Variants in SFMBT2 observed in about 807,000 individuals in gnomAD.
SFMBT2 encodes the protein Scm like with four mbt domains 2, also known as scm-like with four MBT domains protein 2.
SFMBT2 carries 38 observed loss-of-function variants against 110.1 expected under a neutral mutation model. The observed-to-expected ratio is 0.35, with a 90% CI of 0.27 to 0.45. SFMBT2 has a LOEUF of 0.45. Among genes scored for constraint, SFMBT2 ranks in the 20% least tolerant of loss-of-function variants. The pLI is 1.00. For synonymous variants in SFMBT2, 425 were observed against 425.4 expected, an observed-to-expected ratio of 1.00 and a Z score of 0.01; for missense variants, 1,011 against 1,094.9, an observed-to-expected ratio of 0.92 and a Z score of 1.08.
chr10:7,373,927 C>T (rs556288249), intron 2 of SFMBT2, among the ~76,000 whole-genome samples: 6 of 152,192 alleles, frequency 3.9e-5, no homozygotes, highest in African/African-American at 7.2e-5. Context: ...TGCTGAAAAA[C>T]GGGACAAGTT....
chr10:7,370,015 C>T (rs558770131), intron 3 of SFMBT2, among the ~76,000 whole-genome samples: 1 of 152,296 alleles, frequency 6.6e-6, no homozygotes, highest in East Asian at 1.9e-4. Context: ...CGTGCACCAC[C>T]ACACCCAGCT....
intron 15 of SFMBT2, among the ~76,000 whole-genome samples, chr10:7,196,332 T>C (rs888107266): frequency 6.6e-6 from 1 of 152,208 alleles, no homozygotes; most frequent in African/African-American, 2.4e-5. Flanking sequence ...CCAGCCTAAG[T>C]TCCTAAGCTC....
At chr10:7,385,932 A>G (rs368726084) in intron 1 of SFMBT2, among the ~76,000 whole-genome samples, 6 of 152,260 alleles carry the variant, frequency 3.9e-5, no homozygotes, top group South Asian at 4.1e-4. Flanking sequence ...CCCGGGAGGC[A>G]GAGCTTGCAG....
intron 16 of SFMBT2, among the ~76,000 whole-genome samples, chr10:7,186,459 C>CACACACAT (rs748644225): frequency 9.3e-4 from 118 of 126,906 alleles, no homozygotes; most frequent in African/African-American, 3.1e-3. Context: ...CACACACACA[C>CACACACAT]ATATATATAT....
chr10:7,284,396 A>C, intron 5 of SFMBT2: 3 of 1,240,490 alleles, frequency 2.4e-6, no homozygotes, highest in Non-Finnish European at 3.0e-6. Flanking sequence ...AGAAAATAAC[A>C]GTTTGTGCTA....
At chr10:7,405,337 G>A (rs764133282) in intron 1 of SFMBT2, among the ~76,000 whole-genome samples, 5 of 152,170 alleles carry the variant, frequency 3.3e-5, no homozygotes, top group Non-Finnish European at 5.9e-5. Flanking sequence ...TTTCCTCATG[G>A]CTTGTATTCA....
At position 7,158,790 on chromosome 10, in the gene SFMBT2, G is replaced by A. The variant is rs771882257; in HGVS notation, c.*4980C>T. On this transcript the variant is annotated 3_prime_UTR_variant, in exon 21 of 21. Coordinates refer to ENST00000397167, the MANE Select transcript of SFMBT2 (RefSeq NM_001387889.1). The stretch of plus-strand genomic sequence containing the variant: ...CAATCTTACAGCAAACCAAAAGCAT[G>A]CCCTTCGTCCTGCAAATTTCAAAAG... The A allele has an allele frequency of 1.3e-5, 2 of 151,998 alleles. No individual in the cohort carries two copies. The highest frequency in any genetic ancestry group is 2.4e-5 in the African/African-American group (1 of 41,368). 9.4% of individuals were successfully genotyped at this position (151,998 alleles called of 1,614,324 possible).
chr10:7,366,990 T>C (rs1020982070), intron 4 of SFMBT2, among the ~76,000 whole-genome samples: 4 of 152,188 alleles, frequency 2.6e-5, no homozygotes, highest in Non-Finnish European at 5.9e-5. Context: ...AGCAACTAAA[T>C]TGATCATATC....
At chr10:7,282,565 T>G (rs1841976206) in intron 6 of SFMBT2, among the ~76,000 whole-genome samples, 1 of 152,196 alleles carries the variant, frequency 6.6e-6, no homozygotes, top group African/African-American at 2.4e-5. Flanking sequence ...GAGTCAAAAA[T>G]TACTCAGGAT....
chr10:7,394,417 T>C (rs1231742826), intron 1 of SFMBT2, among the ~76,000 whole-genome samples: 1 of 151,726 alleles, frequency 6.6e-6, no homozygotes, highest in Non-Finnish European at 1.5e-5. Flanking sequence ...CCGACTGTTC[T>C]GGCATTCCTC....
chr10:7,386,770 T>C (rs1047541731), intron 1 of SFMBT2, among the ~76,000 whole-genome samples: 26 of 152,198 alleles, frequency 1.7e-4, no homozygotes, highest in Admixed American at 2.6e-4. Flanking sequence ...GCATTTACGA[T>C]CATTTTATTT....
intron 1 of SFMBT2, among the ~76,000 whole-genome samples, chr10:7,401,705 T>C (rs1330184037): frequency 6.6e-6 from 1 of 152,184 alleles, no homozygotes; most frequent in African/African-American, 2.4e-5. Flanking sequence ...AGACTCCTCT[T>C]TCCCACTTCT....
At chr10:7,394,515 CCAA>C (rs977081039) in intron 1 of SFMBT2, among the ~76,000 whole-genome samples, 4 of 150,868 alleles carry the variant, frequency 2.7e-5, no homozygotes, top group African/African-American at 7.3e-5. Flanking sequence ...CCCCCACCCC[CCAA>C]CAACTCCCCG....
chr10:7,394,523 T>G (rs1588508087), intron 1 of SFMBT2, among the ~76,000 whole-genome samples: 2 of 99,852 alleles, frequency 2.0e-5, no homozygotes, highest in African/African-American at 4.0e-5. Context: ...CCCCAACAAC[T>G]CCCCGACACG....
At chr10:7,308,858 C>T (rs959151712) in intron 4 of SFMBT2, among the ~76,000 whole-genome samples, 1 of 152,176 alleles carries the variant, frequency 6.6e-6, no homozygotes, top group Non-Finnish European at 1.5e-5. Flanking sequence ...GATTCTGCAA[C>T]ACATAACTAA....
rs1294860805 is a variant in SFMBT2 at position 7,337,918 on chromosome 10, C to T, written c.436+29731G>A. Among the ~76,000 whole-genome samples, 3 of 152,208 alleles carry T rather than the reference C, an allele frequency of 2.0e-5. No homozygotes were observed. In the East Asian group the frequency reaches 5.8e-4, roughly 29 times the overall value. ...ATACTTTCTGGAGCACCAATCCTTG[C>T]CAGCCTGGCCCCCAAAACACAGCTT... On this transcript the variant is annotated intron_variant, in intron 4 of 20. Coordinates refer to ENST00000397167, the MANE Select transcript of SFMBT2 (RefSeq NM_001387889.1).
At chr10:7,379,600 A>G (rs1411548999) in intron 2 of SFMBT2, among the ~76,000 whole-genome samples, 1 of 152,206 alleles carries the variant, frequency 6.6e-6, no homozygotes, top group Non-Finnish European at 1.5e-5. Flanking sequence ...ACAAGTAAAT[A>G]CAGAAATCCC....
At position 7,293,357 on chromosome 10, in the gene SFMBT2, C is replaced by A. The variant is rs1217661843; in HGVS notation, c.437-7403G>T. On this transcript the variant is annotated intron_variant, in intron 4 of 20. Coordinates refer to ENST00000397167, the MANE Select transcript of SFMBT2 (RefSeq NM_001387889.1). This position sits in a 1 kb window ranked among gnomAD's most constrained non-coding sequence, Gnocchi z 4.6. ...CAGGTGATCTGCCTGCCTCGGCCTC[C>A]CAAAGTGCTGGGATTACAAGTGTGA... Among the ~76,000 whole-genome samples, 4 of 152,130 alleles carry A rather than the reference C, an allele frequency of 2.6e-5. No individual in the cohort carries two copies. The highest frequency in any genetic ancestry group is 4.8e-5 in the African/African-American group (2 of 41,422).
At chr10:7,294,976 A>T (rs1842362743) in intron 4 of SFMBT2, 1 of 152,150 alleles carries the variant, frequency 6.6e-6, no homozygotes, top group African/African-American at 2.4e-5. Flanking sequence ...TTTTTTATAT[A>T]TACTTGTTAA....
Sources: gnomAD v4.1 joint callset for allele counts (sites outside exome capture counted in the v4.1 genomes callset) on GRCh38, gnomAD v4.1.1 for gene constraint, Gnocchi (gnomAD v3.1) non-coding constraint, MANE v1.5 for transcripts, NCBI Gene and HGNC (gene_info 2026-07-23, HGNC 2026-07-21) for gene names.